The following SLC6A9 variants were observed in gnomAD, a reference collection of about 807,000 sequenced individuals.
SLC6A9 encodes solute carrier family 6 member 9, also known as sodium- and chloride-dependent glycine transporter 1.
In SLC6A9, 31 loss-of-function variants were observed where a neutral mutation model predicts 70.9. That is an observed-to-expected ratio of 0.44 (90% confidence interval 0.33 to 0.59). The LOEUF (loss-of-function observed/expected upper bound fraction) is 0.59, where lower values mean the gene tolerates loss of function less well. Ranked by LOEUF, SLC6A9 falls within the 20% of genes least tolerant of loss-of-function variation. SLC6A9 has a pLI of 0.04. For missense variants in SLC6A9, 631 were observed against 845.2 expected (o/e 0.75, Z 3.14); for synonymous variants, 310 against 341.3 (o/e 0.91, Z 1.01).
chr1:44,022,316 T>A (rs575164314), intron 2 of SLC6A9, among the ~76,000 whole-genome samples: 4 of 152,114 alleles, frequency 2.6e-5, no homozygotes, highest in Non-Finnish European at 5.9e-5. Context: ...TTCATGGGGC[T>A]CAGAATCTCC....
At chr1:44,014,779 G>A (rs982862000) in intron 2 of SLC6A9, 2 of 152,074 alleles carry the variant, frequency 1.3e-5, no homozygotes, top group African/African-American at 4.8e-5. Flanking sequence ...TGGTGCTCTA[G>A]GGCCCGCTCC....
chr1:44,012,962 T>A (rs75102392), intron 2 of SLC6A9, among the ~76,000 whole-genome samples: 7,195 of 152,298 alleles, frequency 0.047, 335 homozygotes, highest in African/African-American at 0.12. Flanking sequence ...GTGTGAGGCC[T>A]GCTGGGGGTG....
intron 5 of SLC6A9, among the ~76,000 whole-genome samples, chr1:44,003,748 C>CAAAAA (rs34308293): frequency 2.8e-5 from 2 of 71,958 alleles, no homozygotes; most frequent in Non-Finnish European, 2.6e-5. Flanking sequence ...AGTCCAATCT[C>CAAAAA]AAAAAAAAAA....
chr1:44,022,047 C>T (rs1010527817), intron 2 of SLC6A9, among the ~76,000 whole-genome samples: 1 of 152,242 alleles, frequency 6.6e-6, no homozygotes, highest in Non-Finnish European at 1.5e-5. Context: ...GGGCAGAGAG[C>T]GGGGAGGAGA....
rs1407606295 is a variant in SLC6A9 at position 44,018,725 on chromosome 1, G to A, written c.30+5523C>T. The stretch of plus-strand genomic sequence containing the variant: ...AGCCAAGGCAGGAGGGTCGCTTGAG[G>A]TCAGGAGTTCATGACCAGCCTGGGC... On this transcript the variant is annotated intron_variant, in intron 2 of 13. Transcript: ENST00000372310. This position sits in a 1 kb window ranked among gnomAD's most constrained non-coding sequence, Gnocchi z 4.2. 6.6e-6 allele frequency among the ~76,000 whole-genome samples: 1 copy of A among 151,956 alleles called. No individual in the cohort carries two copies. The highest frequency in any genetic ancestry group is 2.4e-5 in the African/African-American group (1 of 41,386).
chr1:44,020,053 TG>T (rs2086852419), intron 2 of SLC6A9, among the ~76,000 whole-genome samples: 2 of 152,068 alleles, frequency 1.3e-5, no homozygotes, highest in African/African-American at 4.8e-5. Context: ...TCACGGAGGA[TG>T]GGGTAGCTGC....
intron 2 of SLC6A9, among the ~76,000 whole-genome samples, chr1:44,022,212 C>T (rs907482808): frequency 6.6e-6 from 1 of 152,190 alleles, no homozygotes; most frequent in Non-Finnish European, 1.5e-5. Flanking sequence ...GGAGCCATGC[C>T]CTCTGTGCTG....
At chr1:44,020,325 T>C (rs1183274588) in intron 2 of SLC6A9, among the ~76,000 whole-genome samples, 1 of 152,186 alleles carries the variant, frequency 6.6e-6, no homozygotes, top group Non-Finnish European at 1.5e-5. Context: ...GAGACAGCAC[T>C]CATTGTGTGT....
At chr1:44,029,227 A>AT (rs1305965714) in intron 1 of SLC6A9, among the ~76,000 whole-genome samples, 1 of 152,228 alleles carries the variant, frequency 6.6e-6, no homozygotes, top group East Asian at 1.9e-4. Context: ...CAAGCCCTGG[A>AT]GTCCTCACGG....
rs1427315101 is a variant in SLC6A9 at position 44,018,636 on chromosome 1, T to TAATAATAAA, written c.30+5611_30+5612insTTTATTATT. On this transcript the variant is annotated intron_variant, in intron 2 of 13. Transcript: ENST00000372310. The surrounding 1 kb of genome is among the most constrained non-coding windows in gnomAD (Gnocchi z 4.2). ...ATAATAATAATAATAATAATAATAATAAATAAAAATAAAAAGACAGGTGGG... is the reference window on the plus strand; with the variant it reads ...ATAATAATAATAATAATAATAATAATAATAATAAAAAATAAAAATAAAAAGACAGGTGGG... Among the ~76,000 whole-genome samples, 2 of 132,318 alleles carry TAATAATAAA rather than the reference T, an allele frequency of 1.5e-5. No homozygotes were observed. Among genetic ancestry groups the TAATAATAAA allele is most frequent in the African/African-American group, 5.4e-5 (2 of 36,966 alleles). 86.8% of individuals were successfully genotyped at this position (132,318 alleles called of 152,430 possible). A position where few individuals can be genotyped will look rare whatever the true frequency, so the allele number is the denominator to read the frequency against.
intron 1 of SLC6A9, chr1:44,030,642 C>T (rs973380402): frequency 6.6e-6 from 1 of 152,412 alleles, no homozygotes; most frequent in African/African-American, 2.4e-5. Flanking sequence ...GCAGTCCCTT[C>T]CCAAAGCCGC....
chr1:44,018,377 G>A lies in SLC6A9; in HGVS notation c.30+5871C>T, dbSNP rs377715370. On this transcript the variant is annotated intron_variant, in intron 2 of 13. Coordinates refer to ENST00000372310, the MANE Select transcript of SLC6A9 (RefSeq NM_001024845.3). The surrounding 1 kb of genome is among the most constrained non-coding windows in gnomAD (Gnocchi z 4.2). Reference sequence around the variant, plus strand: ...GGAGGCTGAGGAGGGCAGATCACAAGGTCAGGAGTTTGAGACCAACCTGAC... The same window carrying A: ...GGAGGCTGAGGAGGGCAGATCACAAAGTCAGGAGTTTGAGACCAACCTGAC... Among the ~76,000 whole-genome samples the A allele has an allele frequency of 6.6e-6, 1 of 152,112 alleles. No homozygotes were observed.
In SLC6A9 at chr1:43,997,182, T is replaced by G. The variant is rs141576621; in HGVS notation, c.*363A>C. On this transcript the variant is annotated 3_prime_UTR_variant, in exon 14 of 14. Coordinates refer to ENST00000372310, the MANE Select transcript of SLC6A9 (RefSeq NM_001024845.3). This position sits in a 1 kb window ranked among gnomAD's most constrained non-coding sequence, Gnocchi z 4.4. The stretch of plus-strand genomic sequence containing the variant: ...GGGTCGGCTCTGAGGGCAGGAGCAC[T>G]AGTCATGGGGCTGGAGGCCCACCCA... 9.6e-4 allele frequency: 249 copies of G among 259,218 alleles called. No homozygotes were observed. The highest frequency in any genetic ancestry group is 1.5e-3 in the Non-Finnish European group (207 of 135,482). 16.1% of individuals were successfully genotyped at this position (259,218 alleles called of 1,614,324 possible). A position where few individuals can be genotyped will look rare whatever the true frequency, so the allele number is the denominator to read the frequency against.
chr1:44,021,318 G>A (rs973279717), intron 2 of SLC6A9, among the ~76,000 whole-genome samples: 1 of 152,204 alleles, frequency 6.6e-6, no homozygotes, highest in Non-Finnish European at 1.5e-5. Flanking sequence ...AGCTGCTGAG[G>A]CGTGAGGGAG....
chr1:43,998,372 G>A (rs1265257520), intron 12 of SLC6A9, among the ~76,000 whole-genome samples: 2 of 152,174 alleles, frequency 1.3e-5, no homozygotes, highest in African/African-American at 4.8e-5. Context: ...CCTTTAGGCT[G>A]TCACCTGGCA....
At position 44,020,866 on chromosome 1, in the gene SLC6A9, C is replaced by G. The variant is rs144582029; in HGVS notation, c.30+3382G>C. Among the ~76,000 whole-genome samples, 407 of 152,328 alleles carry G rather than the reference C, an allele frequency of 2.7e-3. 2 individuals carry two copies. The highest frequency in any genetic ancestry group is 0.01 in the Middle Eastern group (3 of 294). On this transcript the variant is annotated intron_variant, in intron 2 of 13. Transcript: ENST00000372310. ...CTTGCAAGGCCTCCTTGGATTTGGA[C>G]ACTCTGGCACCCAGAACCCTAATCC...
chr1:44,020,883 C>A (rs1259732057), intron 2 of SLC6A9, among the ~76,000 whole-genome samples: 3 of 152,208 alleles, frequency 2.0e-5, no homozygotes, highest in Admixed American at 6.5e-5. Flanking sequence ...GCACCCAGAA[C>A]CCTAATCCAA....
chr1:44,001,588 G>A lies in SLC6A9; in HGVS notation c.1002C>T (p.Ser334=), dbSNP rs146714632. ...VIISITNCAT[S]VYAGFVIFSI... is the part of the protein sequence containing the mutation. The stretch of plus-strand genomic sequence containing the variant: ...AGAAGATGACGAAGCCAGCATAGAC[G>A]CTGGTGGCACAGTTGGTGATGCTGA... Residue 334 remains serine (S), a synonymous_variant, in exon 9 of 14, where the codon AGC becomes AGT. Coordinates refer to ENST00000372310, the MANE Select transcript of SLC6A9 (RefSeq NM_001024845.3). 22 of 1,614,086 alleles carry A rather than the reference G, an allele frequency of 1.4e-5. No individual in the cohort carries two copies. The East Asian group carries it at 2.0e-4, about 15-fold the overall frequency.
intron 12 of SLC6A9, among the ~76,000 whole-genome samples, chr1:43,999,689 G>C (rs2086016696): frequency 6.6e-6 from 1 of 152,126 alleles, no homozygotes; most frequent in African/African-American, 2.4e-5. Context: ...AACCTACCGG[G>C]TAGAGGCCTC....
Sources: gnomAD v4.1 joint callset for allele counts (sites outside exome capture counted in the v4.1 genomes callset) on GRCh38, gnomAD v4.1.1 for gene constraint, Gnocchi (gnomAD v3.1) non-coding constraint, MANE v1.5 for transcripts, NCBI Gene and HGNC (gene_info 2026-07-23, HGNC 2026-07-21) for gene names.